The following NTRK3 variants were observed in gnomAD, a reference collection of about 807,000 sequenced individuals.
NTRK3 encodes NT-3 growth factor receptor.
Under a neutral mutation model 91.7 loss-of-function variants are expected in NTRK3, and 24 were observed. That is an observed-to-expected ratio of 0.26 (90% CI 0.19 to 0.37). The LOEUF is 0.37. Among genes scored for constraint, NTRK3 ranks in the 10% least tolerant of loss-of-function variants. The pLI is 1.00. For synonymous variants in NTRK3, 483 were observed against 404.0 expected (o/e 1.20, Z -2.34); for missense variants, 880 against 1,068.9 (o/e 0.82, Z 2.46).
chr15:88,215,355 C>A (rs1399782050), intron 3 of NTRK3, among the ~76,000 whole-genome samples: 1 of 152,362 alleles, frequency 6.6e-6, no homozygotes, highest in South Asian at 2.1e-4. Context: ...CCCCCCACTG[C>A]CCCACCTGGC....
intron 14 of NTRK3, among the ~76,000 whole-genome samples, chr15:88,020,167 T>C (rs575224472): frequency 6.6e-6 from 1 of 152,290 alleles, no homozygotes; most frequent in Non-Finnish European, 1.5e-5. Flanking sequence ...TTCAACAAAA[T>C]TAAGTTTGAT....
chr15:88,127,249 A>G (rs368484962), intron 11 of NTRK3, 23 bp from the exon 12 acceptor site: 1 of 1,609,708 alleles, frequency 6.2e-7, no homozygotes, highest in Non-Finnish European at 8.5e-7. Context: ...CACAAAAAGG[A>G]GGAGGACAGT....
rs59131856 is a variant in NTRK3 at position 88,167,398 on chromosome 15, C to CA, written c.395+16019dup. Among the ~76,000 whole-genome samples, 131 of 152,032 alleles carry CA rather than the reference C, an allele frequency of 8.6e-4. 1 individual carries two copies. The highest frequency in any genetic ancestry group is 1.9e-3 in the East Asian group (10 of 5,170). On this transcript the variant is annotated intron_variant, in intron 5 of 18. Coordinates refer to ENST00000394480, the Ensembl canonical transcript of NTRK3. The stretch of plus-strand genomic sequence containing the variant: ...CAGCATAGGAAACAGCCCAGTATAG[C>CA]AAAAAAAGAGCTAGAACTTGAAAAA...
At chr15:88,254,708 A>G (rs1027585728) in intron 3 of NTRK3, among the ~76,000 whole-genome samples, 1 of 152,182 alleles carries the variant, frequency 6.6e-6, no homozygotes, top group Non-Finnish European at 1.5e-5. Context: ...GAAGGGGTAA[A>G]GAGCCACCCA....
chr15:88,109,369 G>T (rs542381555), intron 13 of NTRK3, among the ~76,000 whole-genome samples: 30 of 152,266 alleles, frequency 2.0e-4, no homozygotes, highest in Admixed American at 5.2e-4. Flanking sequence ...CTCGAATCGT[G>T]GTCCTTCATC....
chr15:88,174,523 A>C (rs1432683185), intron 5 of NTRK3, among the ~76,000 whole-genome samples: 2 of 152,056 alleles, frequency 1.3e-5, no homozygotes, highest in African/African-American at 4.8e-5. Flanking sequence ...TGAAAATCCT[A>C]TTCCGTGGAC....
At chr15:88,106,451 A>G (rs144518747) in intron 13 of NTRK3, among the ~76,000 whole-genome samples, 22 of 152,374 alleles carry the variant, frequency 1.4e-4, no homozygotes, top group Admixed American at 5.2e-4. Context: ...ATGGTATAAT[A>G]CACAAGCAAC....
intron 17 of NTRK3, among the ~76,000 whole-genome samples, chr15:87,913,590 A>G (rs1024688477): frequency 6.6e-6 from 1 of 152,156 alleles, no homozygotes. Context: ...GGCACTTGAA[A>G]TCTATTAATA....
At chr15:88,108,835 C>A (rs2050998806) in intron 13 of NTRK3, among the ~76,000 whole-genome samples, 1 of 152,196 alleles carries the variant, frequency 6.6e-6, no homozygotes, top group African/African-American at 2.4e-5. Context: ...ACCTCAGGCC[C>A]TACCCCAGAC....
intron 3 of NTRK3, among the ~76,000 whole-genome samples, chr15:88,250,282 G>C (rs912278395): frequency 6.6e-6 from 1 of 152,196 alleles, no homozygotes; most frequent in African/African-American, 2.4e-5. Flanking sequence ...TTTTCCATTT[G>C]TGAGCTATGA....
At chr15:88,054,256 T>C (rs1414332829) in intron 13 of NTRK3, among the ~76,000 whole-genome samples, 1 of 152,216 alleles carries the variant, frequency 6.6e-6, no homozygotes, top group African/African-American at 2.4e-5. Context: ...CTACCATTTG[T>C]TGGAAAGTTA....
At chr15:87,940,280 C>T (rs28628427) in intron 15 of NTRK3, among the ~76,000 whole-genome samples, 5,956 of 152,248 alleles carry the variant, frequency 0.039, 394 homozygotes, top group African/African-American at 0.13. Context: ...CAGGCACAGA[C>T]AGCACGTCCT....
chr15:87,985,592 A>G (rs1000812395), intron 14 of NTRK3, among the ~76,000 whole-genome samples: 2 of 152,094 alleles, frequency 1.3e-5, no homozygotes, highest in African/African-American at 4.8e-5. Context: ...GAGTGACGAG[A>G]TTGTCCTGGC....
chr15:88,165,459 ATAAT>A (rs1313768218), intron 5 of NTRK3, among the ~76,000 whole-genome samples: 2 of 152,340 alleles, frequency 1.3e-5, no homozygotes, highest in South Asian at 2.1e-4. Context: ...ATAAGTGCAA[ATAAT>A]TAATTAACTT....
intron 14 of NTRK3, among the ~76,000 whole-genome samples, chr15:87,986,523 C>A (rs2074809472): frequency 6.6e-6 from 1 of 152,118 alleles, no homozygotes; most frequent in African/African-American, 2.4e-5. Flanking sequence ...ATGCATATAT[C>A]CATAACCAAA....
chr15:87,970,938 A>G (rs534950327), intron 14 of NTRK3, among the ~76,000 whole-genome samples: 1 of 152,324 alleles, frequency 6.6e-6, no homozygotes, highest in African/African-American at 2.4e-5. Context: ...GATTGACCCA[A>G]TAAAATTATT....
chr15:88,191,831 G>A (rs753123993), intron 3 of NTRK3, among the ~76,000 whole-genome samples: 4 of 152,274 alleles, frequency 2.6e-5, no homozygotes, highest in Non-Finnish European at 5.9e-5. Flanking sequence ...GAGCGCATGG[G>A]ATCACGCTAG....
At chr15:87,956,110 C>T (rs2071627910) in intron 14 of NTRK3, among the ~76,000 whole-genome samples, 1 of 152,076 alleles carries the variant, frequency 6.6e-6, no homozygotes, top group Non-Finnish European at 1.5e-5. Flanking sequence ...CCTGGGCCTC[C>T]ATTTCTTTGT....
At chr15:88,039,571 G>A (rs1367326694) in intron 13 of NTRK3, among the ~76,000 whole-genome samples, 1 of 152,226 alleles carries the variant, frequency 6.6e-6, no homozygotes. Context: ...AAATGAGGGT[G>A]TAGAGCAAGG....
Sources: allele counts gnomAD v4.1 joint callset (sites outside exome capture counted in the v4.1 genomes callset), GRCh38; gene constraint gnomAD v4.1.1; transcripts MANE v1.5; gene names NCBI Gene and HGNC (gene_info 2026-07-23, HGNC 2026-07-21).